ABCC12: variants seen among roughly 807,000 people sequenced by gnomAD.
The protein encoded by ABCC12 is ATP binding cassette subfamily C member 12, also known as ATP-binding cassette sub-family C member 12.
Under a neutral mutation model 151.1 loss-of-function variants are expected in ABCC12, and 142 were observed. The ratio of observed to expected loss-of-function variants is 0.94; its 90% CI spans 0.82 to 1.08. The LOEUF (loss-of-function observed/expected upper bound fraction) is 1.08. ABCC12 is among the 50% of genes least tolerant of loss of function. The probability of loss-of-function intolerance (pLI) is 0.00; values close to 1 mark genes in which losing one functional copy is unlikely to be tolerated. For missense variants in ABCC12, 1,638 were observed against 1,691.1 expected (o/e 0.97, Z 0.55); for synonymous variants, 645 against 646.4 (o/e 1.00, Z 0.03).
At chr16:48,125,612 C>G (rs559038258) in intron 11 of ABCC12, among the ~76,000 whole-genome samples, 2 of 152,286 alleles carry the variant, frequency 1.3e-5, no homozygotes, top group African/African-American at 4.8e-5. Context: ...CATGTCCACT[C>G]ATGTTCAAGC....
intron 8 of ABCC12, among the ~76,000 whole-genome samples, chr16:48,136,834 C>T (rs1964627276): frequency 6.6e-6 from 1 of 152,130 alleles, no homozygotes; most frequent in Admixed American, 6.5e-5. Context: ...GTTCTAGAAA[C>T]AAACTAAGGC....
intron 15 of ABCC12, among the ~76,000 whole-genome samples, chr16:48,114,842 G>C (rs539493230): frequency 5.9e-5 from 9 of 152,294 alleles, no homozygotes; most frequent in African/African-American, 2.2e-4. Flanking sequence ...AAGCCCAGTC[G>C]CTTTCTTCAG....
intron 15 of ABCC12, 84 bp from the exon 16 acceptor site, chr16:48,111,994 G>A: frequency 1.3e-6 from 2 of 1,508,154 alleles, no homozygotes; most frequent in Non-Finnish European, 1.8e-6. Context: ...AGTTACCACT[G>A]TTGACTTTAG....
chr16:48,116,760 C>T (rs1963897643), intron 14 of ABCC12, among the ~76,000 whole-genome samples: 1 of 152,192 alleles, frequency 6.6e-6, no homozygotes, highest in African/African-American at 2.4e-5. Context: ...GCAGAGAGCA[C>T]AAGAAGGGTG....
rs145030842 is a variant in ABCC12 at position 48,146,325 on chromosome 16, G to T, written c.100C>A (p.Pro34Thr). ...RYDPSLKTMI[P>T]VRPCARLAPN... ...ACTTACCTTGCACAGGGTCGCACTGGGATCATGGTCTTCAGGCTGGGGTCA... is the reference window on the plus strand; with the variant it reads ...ACTTACCTTGCACAGGGTCGCACTGTGATCATGGTCTTCAGGCTGGGGTCA... Residue 34 changes from proline to threonine, a missense_variant, in exon 3 of 31, where the codon CCA becomes ACA. Transcript: ENST00000311303. 2.7e-5 allele frequency: 43 copies of T among 1,614,026 alleles called. No individual in the cohort carries two copies. Among genetic ancestry groups the T allele is most frequent in the Non-Finnish European group, 5.9e-6 (7 of 1,180,014 alleles).
At chr16:48,117,677 C>T (rs1401561570) in intron 13 of ABCC12, among the ~76,000 whole-genome samples, 1 of 152,170 alleles carries the variant, frequency 6.6e-6, no homozygotes, top group East Asian at 1.9e-4. Context: ...GAGGAGGGGT[C>T]ACCCTTGGGG....
In ABCC12 at chr16:48,105,230, A is replaced by T. The variant is rs1963449260; in HGVS notation, c.2582T>A (p.Phe861Tyr). The T allele has an allele frequency of 2.5e-6, 4 of 1,614,156 alleles. No homozygotes were observed. In the East Asian group the frequency reaches 8.9e-5, roughly 36 times the overall value. ...YQWVYTASMV[F>Y]MLVFGVTKGF... Reference sequence around the variant, plus strand: ...TTTGGTGACGCCAAACACCAGCATGAACACCATGCTTGCAGTGTACACCCA... The same window carrying T: ...TTTGGTGACGCCAAACACCAGCATGTACACCATGCTTGCAGTGTACACCCA... Residue 861 changes from phenylalanine to tyrosine, a missense_variant, in exon 21 of 31, where the codon TTC becomes TAC. Phe to Tyr is a conservative substitution (Grantham distance 22, BLOSUM62 3). Coordinates refer to ENST00000311303, the MANE Select transcript of ABCC12 (RefSeq NM_001393797.1).
In ABCC12 at chr16:48,089,457, G is replaced by A. The variant is rs1019189117; in HGVS notation, c.3286-723C>T. 7.9e-5 allele frequency among the ~76,000 whole-genome samples: 12 copies of A among 152,104 alleles called. No homozygotes were observed. In the South Asian group the frequency reaches 2.3e-3, roughly 29 times the overall value. ...CATACATGAAAAAAAAAACATTTAA[G>A]TCTCCTAAGAGTCCAAGAAATGCAA... On this transcript the variant is annotated intron_variant, in intron 25 of 30. Coordinates refer to ENST00000311303, the MANE Select transcript of ABCC12 (RefSeq NM_001393797.1).
At chr16:48,090,401 CTTTTTTT>C (rs1011013161) in intron 25 of ABCC12, among the ~76,000 whole-genome samples, 5 of 118,948 alleles carry the variant, frequency 4.2e-5, no homozygotes, top group East Asian at 5.0e-4. Context: ...CAAATTTGAA[CTTTTTTT>C]TTTTTTTTTT....
In ABCC12 at chr16:48,128,684, T is replaced by C. The variant is rs1301423369; in HGVS notation, c.1290A>G (p.Pro430=). The change falls in exon 11 of 31, where the codon CCA becomes CCG. Residue 430 remains proline (P), a synonymous_variant. Transcript: ENST00000311303. ...CATTTGCTAAAAGCAAGACAGTATC[T>C]GGGTCTTCTGGTTGGGTGATGTAAG... ...PPSYITQPED[P]DTVLLLANAT... 2 of 1,614,198 alleles carry C rather than the reference T, an allele frequency of 1.2e-6. No homozygotes were observed. Among genetic ancestry groups the C allele is most frequent in the Middle Eastern group, 1.6e-4 (1 of 6,062 alleles).
chr16:48,135,193 G>T (rs981567718), intron 8 of ABCC12, among the ~76,000 whole-genome samples: 1 of 152,122 alleles, frequency 6.6e-6, no homozygotes, highest in East Asian at 1.9e-4. Flanking sequence ...AGCCACTGGG[G>T]AGGCCAGGTC....
At chr16:48,112,832 T>C (rs1963745246) in intron 15 of ABCC12, among the ~76,000 whole-genome samples, 1 of 152,118 alleles carries the variant, frequency 6.6e-6, no homozygotes, top group Non-Finnish European at 1.5e-5. Flanking sequence ...GCCAGCTTTA[T>C]CTATGAGATA....
intron 12 of ABCC12, 119 bp from the exon 13 acceptor site, chr16:48,121,959 G>C (rs918464725): frequency 7.0e-7 from 1 of 1,435,658 alleles, no homozygotes; most frequent in Admixed American, 2.2e-5. Flanking sequence ...GCACAAAAGC[G>C]TTGACAGGAC....
chr16:48,137,102 G>A (rs1034904503), intron 8 of ABCC12, among the ~76,000 whole-genome samples: 3 of 152,028 alleles, frequency 2.0e-5, no homozygotes, highest in Non-Finnish European at 2.9e-5. Flanking sequence ...AGGAGGGAGG[G>A]GGAAGGCAGG....
chr16:48,090,397 T>C (rs1424873799), intron 25 of ABCC12, among the ~76,000 whole-genome samples: 1 of 150,410 alleles, frequency 6.6e-6, no homozygotes, highest in African/African-American at 2.5e-5. Flanking sequence ...GTGGCAAATT[T>C]GAACTTTTTT....
intron 13 of ABCC12, among the ~76,000 whole-genome samples, chr16:48,119,998 A>G (rs868486266): frequency 1.3e-5 from 2 of 152,208 alleles, no homozygotes; most frequent in Admixed American, 6.5e-5. Context: ...AGGGACTCAA[A>G]TGAGAGAATG....
In ABCC12 at chr16:48,140,789, G is replaced by A; in HGVS notation, c.555C>T (p.Ala185=). 1 of 1,614,218 alleles carries A rather than the reference G, an allele frequency of 6.2e-7. No homozygotes were observed. Among genetic ancestry groups the A allele is most frequent in the South Asian group, 1.1e-5 (1 of 91,080 alleles). The stretch of plus-strand genomic sequence containing the variant: ...ACCGGATGGCCGTGCGGTAGTTGAT[G>A]GCCCAGGCAAGGGCCCAAAAGAAGA... The part of the protein sequence containing the change: ...TKVFFWALAW[A]INYRTAIRLK... Residue 185 remains alanine, a synonymous_variant, in exon 6 of 31, where the codon GCC becomes GCT. Transcript: ENST00000311303.
At chr16:48,118,384 C>T (rs1351652403) in intron 13 of ABCC12, among the ~76,000 whole-genome samples, 1 of 152,212 alleles carries the variant, frequency 6.6e-6, no homozygotes, top group African/African-American at 2.4e-5. Context: ...CCTTGGGGAC[C>T]CAACTCCTGC....
chr16:48,109,423 T>C (rs1963609376), intron 18 of ABCC12, among the ~76,000 whole-genome samples: 1 of 152,206 alleles, frequency 6.6e-6, no homozygotes, highest in African/African-American at 2.4e-5. Flanking sequence ...CAGCCAGTAC[T>C]GAATGCATGT....
Sources: gnomAD v4.1 joint callset for allele counts (sites outside exome capture counted in the v4.1 genomes callset) on GRCh38, gnomAD v4.1.1 for gene constraint, MANE v1.5 for transcripts, NCBI Gene and HGNC (gene_info 2026-07-23, HGNC 2026-07-21) for gene names.